The following RSBN1 variants were observed in gnomAD, a reference collection of about 807,000 sequenced individuals.
RSBN1 encodes the protein round spermatid basic protein 1.
RSBN1 carries 23 observed loss-of-function variants against 74.8 expected under a neutral mutation model. The ratio of observed to expected loss-of-function variants is 0.31; its 90% CI spans 0.22 to 0.44. The LOEUF (loss-of-function observed/expected upper bound fraction) is 0.44, where lower values mean the gene tolerates loss of function less well. Ranked by LOEUF, RSBN1 falls within the 20% of genes least tolerant of loss-of-function variation. The pLI is 1.00. For missense variants in RSBN1, 808 were observed against 1,020.9 expected, an observed-to-expected ratio of 0.79 and a Z score of 2.84; for synonymous variants, 407 against 379.6, an observed-to-expected ratio of 1.07 and a Z score of -0.84.
Position 113,765,714 on chromosome 1 carries a change from G to A in RSBN1, c.*266C>T, listed in dbSNP as rs1003835703. 3.0e-6 allele frequency: 1 copy of A among 330,680 alleles called. No individual in the cohort carries two copies. Among genetic ancestry groups the A allele is most frequent in the Non-Finnish European group, 5.6e-6 (1 of 179,430 alleles). The allele number at this position is 330,680 out of a possible 1,614,324, so 20.5% of individuals were successfully genotyped here. A position where few individuals can be genotyped will look rare whatever the true frequency, so the allele number is the denominator to read the frequency against. ...CAGAGAATTCTCATTTTGATTTGAA[G>A]AAGAGATTGAATTGTTACCTCACAC... On this transcript the variant is annotated 3_prime_UTR_variant, in exon 7 of 7. Transcript: ENST00000261441.
At chr1:113,806,517 T>C (rs1418503974) in intron 1 of RSBN1, among the ~76,000 whole-genome samples, 2 of 151,622 alleles carry the variant, frequency 1.3e-5, no homozygotes, top group Admixed American at 6.6e-5. Flanking sequence ...CTCAAATGGA[T>C]GACAGATTAA....
chr1:113,778,363 A>G (rs1242422448), intron 2 of RSBN1, among the ~76,000 whole-genome samples: 2 of 148,458 alleles, frequency 1.3e-5, no homozygotes, highest in Non-Finnish European at 3.0e-5. Context: ...CAATGGCATG[A>G]TCTCAGCTCA....
chr1:113,793,748 T>G (rs1332317007), intron 2 of RSBN1, among the ~76,000 whole-genome samples: 3 of 152,006 alleles, frequency 2.0e-5, no homozygotes, highest in African/African-American at 7.3e-5. Context: ...TGACGTGATC[T>G]TGGCTCAGTG....
At chr1:113,767,021 TA>T (rs1387465013) in intron 6 of RSBN1, 77 bp downstream of exon 6, 2 of 763,952 alleles carry the variant, frequency 2.6e-6, no homozygotes, top group African/African-American at 3.6e-5. Context: ...TATCAGACTG[TA>T]AGATAAAATT....
At chr1:113,809,086 G>A (rs756703429) in intron 1 of RSBN1, among the ~76,000 whole-genome samples, 20 of 151,584 alleles carry the variant, frequency 1.3e-4, no homozygotes, top group Admixed American at 8.5e-4. Context: ...CCAAAAATCT[G>A]AGGATAAGCG....
At position 113,791,145 on chromosome 1, in the gene RSBN1, G is replaced by A. The variant is rs545861998; in HGVS notation, c.1377+6218C>T. The stretch of plus-strand genomic sequence containing the variant: ...CTGCCATGGAAGCAGGAGACATAAC[G>A]CCAACAGGAAAAACACAGTCTTTGG... On this transcript the variant is annotated intron_variant, in intron 2 of 6. Transcript: ENST00000261441. 4.6e-5 allele frequency among the ~76,000 whole-genome samples: 7 copies of A among 152,124 alleles called. No individual in the cohort carries two copies. The South Asian group carries it at 1.0e-3, about 23-fold the overall frequency.
chr1:113,812,406 T>C lies in RSBN1; in HGVS notation c.7A>G (p.Ile3Val), dbSNP rs746446714. The stretch of plus-strand genomic sequence containing the variant: ...TTGTCGGCCGTTCTTCGTCCAGAGA[T>C]GAACATGCCGGAAGCGGCCGTTCCC... MFISGRRTADKWR... is the reference protein window; with the variant it reads MFVSGRRTADKWR... Residue 3 changes from isoleucine to valine, a missense_variant, in exon 1 of 7, where the codon ATC becomes GTC. Ile to Val is a conservative substitution (Grantham distance 29). Coordinates refer to ENST00000261441, the MANE Select transcript of RSBN1 (RefSeq NM_018364.5). 14 of 1,596,620 alleles carry C rather than the reference T, an allele frequency of 8.8e-6. No homozygotes were observed. The highest frequency in any genetic ancestry group is 1.0e-5 in the Non-Finnish European group (12 of 1,177,292).
At chr1:113,793,247 T>G (rs547695982) in intron 2 of RSBN1, among the ~76,000 whole-genome samples, 5 of 152,182 alleles carry the variant, frequency 3.3e-5, no homozygotes, top group Admixed American at 1.3e-4. Flanking sequence ...AATTCATACA[T>G]AGAGCAAACT....
At position 113,797,523 on chromosome 1, in the gene RSBN1, T is replaced by G; in HGVS notation, c.1217A>C (p.Asn406Thr). Residue 406 changes from asparagine (N) to threonine (T), a missense_variant, in exon 2 of 7, where the codon AAT (asparagine) becomes ACT (threonine). Transcript: ENST00000261441. Reference protein sequence around the residue: ...LALTFSENEKNAAYYALAIVH... With the variant: ...LALTFSENEKTAAYYALAIVH... ...TATTGCTAAAGCATAGTAAGCAGCA[T>G]TTTTCTCATTTTCACTGAATGTCAA... 1 of 1,613,678 alleles carries G rather than the reference T, an allele frequency of 6.2e-7. No homozygotes were observed. Among genetic ancestry groups the G allele is most frequent in the Non-Finnish European group, 8.5e-7 (1 of 1,179,802 alleles).
chr1:113,782,178 C>G (rs760529576), intron 2 of RSBN1, among the ~76,000 whole-genome samples: 6 of 152,182 alleles, frequency 3.9e-5, no homozygotes, highest in Non-Finnish European at 8.8e-5. Flanking sequence ...CAAGTTTTCA[C>G]ATGTTATTGT....
At chr1:113,792,111 TTTGA>T (rs774193221) in intron 2 of RSBN1, among the ~76,000 whole-genome samples, 4 of 152,206 alleles carry the variant, frequency 2.6e-5, no homozygotes, top group Non-Finnish European at 2.9e-5. Context: ...GTTAAAAAGC[TTTGA>T]TTCTCAGTGA....
At position 113,811,876 on chromosome 1, in the gene RSBN1, G is replaced by C. The variant is rs1389314578; in HGVS notation, c.537C>G (p.Ser179Arg). The change falls in exon 1 of 7, where the codon AGC becomes AGG. Residue 179 changes from serine (S) to arginine (R), a missense_variant. Physicochemically the swap from Ser to Arg is moderately radical, Grantham distance 110. This residue lies in a region of RSBN1 where 464 missense variants were observed against 401.0 expected (regional missense o/e 1.16). Transcript: ENST00000261441. Reference sequence around the variant, plus strand: ...GGCCCTTATGCTTGGGCCCGGCCGCGCTCACCGTCAGAGGCGAGAAGGTGA... The same window carrying C: ...GGCCCTTATGCTTGGGCCCGGCCGCCCTCACCGTCAGAGGCGAGAAGGTGA... Reference protein sequence around the residue: ...ALFTFSPLTVSAAGPKHKGHK... With the variant: ...ALFTFSPLTVRAAGPKHKGHK... The C allele has an allele frequency of 1.2e-6, 2 of 1,612,876 alleles. No homozygotes were observed. The highest frequency in any genetic ancestry group is 2.7e-5 in the African/African-American group (2 of 74,864).
intron 2 of RSBN1, among the ~76,000 whole-genome samples, chr1:113,792,204 A>G (rs1202307568): frequency 6.6e-6 from 1 of 152,210 alleles, no homozygotes; most frequent in Non-Finnish European, 1.5e-5. Flanking sequence ...TACCCCCAGC[A>G]AACACATAAC....
rs937085182 is a variant in RSBN1, at chr1:113,765,352, C to G, written c.*628G>C. On this transcript the variant is annotated 3_prime_UTR_variant, in exon 7 of 7. Coordinates refer to ENST00000261441, the MANE Select transcript of RSBN1 (RefSeq NM_018364.5). ...ATTTTTTTTTTAATTGAAATATCCACTGGGCTTTAAATAACAGATACAAAA... is the reference window on the plus strand; with the variant it reads ...ATTTTTTTTTTAATTGAAATATCCAGTGGGCTTTAAATAACAGATACAAAA... The G allele has an allele frequency of 6.6e-6, 1 of 151,964 alleles. No individual in the cohort carries two copies. Among genetic ancestry groups the G allele is most frequent in the East Asian group, 1.9e-4 (1 of 5,322 alleles). The allele number at this position is 151,964 out of a possible 1,614,324, so 9.4% of individuals were successfully genotyped here.
At position 113,764,689 on chromosome 1, in the gene RSBN1, A is replaced by T. The variant is rs1659747374; in HGVS notation, c.*1291T>A. ...ATCCAGGAAAAAAAAAAAATCTCCA[A>T]ATTGCACTGTAACCAGGGAGATATA... On this transcript the variant is annotated 3_prime_UTR_variant, in exon 7 of 7. Transcript: ENST00000261441. The T allele has an allele frequency of 6.6e-6, 1 of 152,024 alleles. No individual in the cohort carries two copies. The highest frequency in any genetic ancestry group is 6.6e-5 in the Admixed American group (1 of 15,234). 9.4% of individuals were successfully genotyped at this position (152,024 alleles called of 1,614,324 possible). A position where few individuals can be genotyped will look rare whatever the true frequency, so the allele number is the denominator to read the frequency against.
intron 5 of RSBN1, among the ~76,000 whole-genome samples, 173 bp from the exon 6 acceptor site, chr1:113,767,380 A>G (rs1381963808): frequency 2.0e-5 from 3 of 152,234 alleles, no homozygotes; most frequent in African/African-American, 7.2e-5. Flanking sequence ...AAGCTTAAAA[A>G]GCCATAAAAA....
At chr1:113,810,570 A>G (rs1660815580) in intron 1 of RSBN1, among the ~76,000 whole-genome samples, 1 of 152,224 alleles carries the variant, frequency 6.6e-6, no homozygotes, top group Admixed American at 6.5e-5. Flanking sequence ...GCTATTCAAT[A>G]AATACTTATT....
At chr1:113,807,964 T>C (rs905170330) in intron 1 of RSBN1, among the ~76,000 whole-genome samples, 30 of 152,164 alleles carry the variant, frequency 2.0e-4, no homozygotes, top group African/African-American at 6.7e-4. Flanking sequence ...CATGATGATG[T>C]ATCACCACAC....
chr1:113,807,654 G>A (rs907170068), intron 1 of RSBN1, among the ~76,000 whole-genome samples: 5 of 151,702 alleles, frequency 3.3e-5, no homozygotes, highest in African/African-American at 4.8e-5. Flanking sequence ...CCAGCGATTC[G>A]GGAGGCTGAG....
Sources: gnomAD v4.1 joint callset for allele counts (sites outside exome capture counted in the v4.1 genomes callset) on GRCh38, gnomAD v4.1.1 for gene constraint, gnomAD v4.1.1 regional missense constraint, MANE v1.5 for transcripts, NCBI Gene and HGNC (gene_info 2026-07-23, HGNC 2026-07-21) for gene names.